Variants in LRRC28 observed in about 807,000 individuals in gnomAD.
LRRC28 encodes leucine rich repeat containing 28, also known as leucine-rich repeat-containing protein 28.
A neutral mutation model predicts 45.7 loss-of-function variants in LRRC28; 39 were observed. The observed-to-expected ratio is 0.85, with a 90% confidence interval of 0.66 to 1.12. The LOEUF is 1.12. Among genes scored for constraint, LRRC28 ranks in the 50% most tolerant of loss-of-function variants. LRRC28 has a pLI of 0.00. For missense variants in LRRC28, 435 were observed against 438.5 expected, an observed-to-expected ratio of 0.99 and a Z score of 0.07; for synonymous variants, 206 against 178.8, an observed-to-expected ratio of 1.15 and a Z score of -1.22.
chr15:99,301,799 T>A (rs1370345626), intron 5 of LRRC28, among the ~76,000 whole-genome samples: 1 of 152,168 alleles, frequency 6.6e-6, no homozygotes, highest in Non-Finnish European at 1.5e-5. Context: ...TAGTTTAAAT[T>A]TCTAACTACT....
intron 7 of LRRC28, chr15:99,355,348 A>G (rs1352851214): frequency 1.3e-5 from 2 of 152,222 alleles, no homozygotes; most frequent in South Asian, 2.1e-4. Flanking sequence ...ACTGTGTTTT[A>G]TAACCTAGCT....
intron 2 of LRRC28, among the ~76,000 whole-genome samples, chr15:99,269,919 C>T (rs1226080149): frequency 6.6e-6 from 1 of 152,110 alleles, no homozygotes; most frequent in Non-Finnish European, 1.5e-5. Flanking sequence ...ACCCTGAAGG[C>T]ATTTATGCTA....
chr15:99,279,638 A>C (rs2081724985), intron 3 of LRRC28, among the ~76,000 whole-genome samples: 1 of 152,178 alleles, frequency 6.6e-6, no homozygotes. Context: ...GCAGAGCAGG[A>C]GAGTGGGGTT....
At chr15:99,352,907 C>T (rs1956931523) in intron 7 of LRRC28, among the ~76,000 whole-genome samples, 2 of 152,202 alleles carry the variant, frequency 1.3e-5, no homozygotes, top group African/African-American at 4.8e-5. Context: ...GACAGTTTTA[C>T]TGCAGTGACA....
At chr15:99,358,248 G>C (rs1957101190) in intron 7 of LRRC28, among the ~76,000 whole-genome samples, 1 of 152,080 alleles carries the variant, frequency 6.6e-6, no homozygotes, top group Non-Finnish European at 1.5e-5. Context: ...CACAAGAAAG[G>C]AACAGAATCT....
chr15:99,301,768 C>T (rs1312736183), intron 5 of LRRC28, among the ~76,000 whole-genome samples: 2 of 152,104 alleles, frequency 1.3e-5, no homozygotes, highest in African/African-American at 4.8e-5. Context: ...TTACATATTA[C>T]CAGTGTTTGT....
rs967442202 is a variant in LRRC28, at chr15:99,321,173, A to G, written c.386-12750A>G. 7.2e-5 allele frequency among the ~76,000 whole-genome samples: 11 copies of G among 152,230 alleles called. No individual in the cohort carries two copies. In the East Asian group the frequency reaches 9.6e-4, roughly 13 times the overall value. The stretch of plus-strand genomic sequence containing the variant: ...TCCCTAGAATCCATGAAAAAATTCT[A>G]TATCAAGATCTTAAGGGAATTTCAA... On this transcript the variant is annotated intron_variant, in intron 5 of 9. Coordinates refer to ENST00000301981, the MANE Select transcript of LRRC28 (RefSeq NM_144598.5).
Position 99,287,963 on chromosome 15 carries a change from C to G in LRRC28, c.385+12C>G, listed in dbSNP as rs1288744797. 6.2e-7 allele frequency: 1 copy of G among 1,605,690 alleles called. No homozygotes were observed. Among genetic ancestry groups the G allele is most frequent in the Non-Finnish European group, 8.5e-7 (1 of 1,175,916 alleles). ...ATTCCTACCTCCAGGTAATCATAGT[C>G]TCTAGCACACTATAGTTTCTTGTCT... On this transcript the variant is annotated intron_variant, in intron 5 of 9. Transcript: ENST00000301981.
At chr15:99,300,880 G>A (rs2082381058) in intron 5 of LRRC28, among the ~76,000 whole-genome samples, 1 of 152,318 alleles carries the variant, frequency 6.6e-6, no homozygotes, top group Non-Finnish European at 1.5e-5. Flanking sequence ...TTGCATATAT[G>A]TCCTGAACCA....
intron 9 of LRRC28, among the ~76,000 whole-genome samples, chr15:99,381,448 G>T (rs1363147106): frequency 6.6e-6 from 1 of 152,076 alleles, no homozygotes; most frequent in Non-Finnish European, 1.5e-5. Flanking sequence ...CTTTTTTCAG[G>T]GTTTTTAGCT....
At chr15:99,331,335 G>A (rs911391593) in intron 5 of LRRC28, among the ~76,000 whole-genome samples, 6 of 152,008 alleles carry the variant, frequency 3.9e-5, no homozygotes, top group African/African-American at 1.2e-4. Flanking sequence ...TTTAGCATTG[G>A]CATCAGCACA....
intron 5 of LRRC28, among the ~76,000 whole-genome samples, chr15:99,312,493 A>G (rs1955449890): frequency 1.3e-5 from 2 of 152,332 alleles, no homozygotes; most frequent in South Asian, 4.1e-4. Context: ...CTATCTCCTG[A>G]AAGACCTGCC....
chr15:99,377,724 G>A (rs1312450815), intron 9 of LRRC28, among the ~76,000 whole-genome samples: 1 of 152,030 alleles, frequency 6.6e-6, no homozygotes, highest in Non-Finnish European at 1.5e-5. Context: ...TTTGTATAAG[G>A]TGTAAGGAAG....
chr15:99,284,042 C>T (rs1212740935), intron 3 of LRRC28, among the ~76,000 whole-genome samples: 2 of 152,210 alleles, frequency 1.3e-5, no homozygotes, highest in Non-Finnish European at 2.9e-5. Context: ...CCTGCAACAT[C>T]ACAGATTAGG....
intron 6 of LRRC28, among the ~76,000 whole-genome samples, chr15:99,351,012 C>T (rs917590108): frequency 6.6e-6 from 1 of 152,142 alleles, no homozygotes; most frequent in Admixed American, 6.5e-5. Flanking sequence ...GTGGCCCAGA[C>T]TGGTCTTGAA....
At chr15:99,368,395 A>G (rs1295669501) in intron 9 of LRRC28, among the ~76,000 whole-genome samples, 1 of 152,202 alleles carries the variant, frequency 6.6e-6, no homozygotes, top group Non-Finnish European at 1.5e-5. Flanking sequence ...ACAGGTCTCA[A>G]GTCTAAAATC....
chr15:99,310,832 C>T (rs936704717), intron 5 of LRRC28, among the ~76,000 whole-genome samples: 1 of 152,204 alleles, frequency 6.6e-6, no homozygotes, highest in African/African-American at 2.4e-5. Flanking sequence ...ATACGGCTGT[C>T]CACTTTCTCC....
chr15:99,355,992 A>G (rs1043854063), intron 7 of LRRC28, among the ~76,000 whole-genome samples: 2 of 152,262 alleles, frequency 1.3e-5, no homozygotes, highest in Non-Finnish European at 2.9e-5. Flanking sequence ...GCAGGACCAA[A>G]GTGGCCTGGC....
chr15:99,282,226 C>T (rs1015687571), intron 3 of LRRC28, among the ~76,000 whole-genome samples: 2 of 118,494 alleles, frequency 1.7e-5, no homozygotes, highest in Admixed American at 2.1e-4. Context: ...GAACTTTACC[C>T]CACAACTTCC....
Sources: gnomAD v4.1 joint callset for allele counts (sites outside exome capture counted in the v4.1 genomes callset) on GRCh38, gnomAD v4.1.1 for gene constraint, MANE v1.5 for transcripts, NCBI Gene and HGNC (gene_info 2026-07-23, HGNC 2026-07-21) for gene names.